Variants in ASNS observed in about 807,000 individuals in gnomAD.
ASNS encodes asparagine synthetase [glutamine-hydrolyzing].
ASNS carries 37 observed loss-of-function variants against 62.6 expected under a neutral mutation model. That is an observed-to-expected ratio of 0.59 (90% confidence interval 0.45 to 0.78). The LOEUF (loss-of-function observed/expected upper bound fraction) is 0.78. ASNS is among the 30% of genes least tolerant of loss of function. The probability of loss-of-function intolerance (pLI) is 0.00; values close to 1 mark genes in which losing one functional copy is unlikely to be tolerated. For synonymous variants in ASNS, 207 were observed against 237.9 expected, an observed-to-expected ratio of 0.87 and a Z score of 1.19; for missense variants, 520 against 682.4, an observed-to-expected ratio of 0.76 and a Z score of 2.65.
intron 10 of ASNS, among the ~76,000 whole-genome samples, chr7:97,854,150 T>A (rs1791316228): frequency 6.6e-6 from 1 of 152,240 alleles, no homozygotes; most frequent in Non-Finnish European, 1.5e-5. Context: ...TCAGGGTCAC[T>A]ACAGCACCAC....
the ASNS span, among the ~76,000 whole-genome samples, chr7:97,881,225 A>G: frequency 6.6e-6 from 1 of 152,128 alleles, no homozygotes; most frequent in African/African-American, 2.4e-5. Flanking sequence ...TACAGGCATG[A>G]GCCATTGCTC....
chr7:97,877,718 T>G, the ASNS span, among the ~76,000 whole-genome samples: 1 of 152,226 alleles, frequency 6.6e-6, no homozygotes, highest in Admixed American at 6.5e-5. Context: ...GGCTAAGGGT[T>G]GAATCTCTGA....
At chr7:97,912,637 C>A in the ASNS span, among the ~76,000 whole-genome samples, 1 of 128,252 alleles carries the variant, frequency 7.8e-6, no homozygotes, top group Non-Finnish European at 1.6e-5. Context: ...GGCTGGAGTG[C>A]GGTGGTGCCA....
At chr7:97,890,979 C>T in the ASNS span, among the ~76,000 whole-genome samples, 4 of 152,164 alleles carry the variant, frequency 2.6e-5, no homozygotes, top group Non-Finnish European at 5.9e-5. Flanking sequence ...AAGAAACCCA[C>T]CAAACTGCAA....
chr7:97,898,845 C>T, the ASNS span: 4 of 818,536 alleles, frequency 4.9e-6, 1 homozygote, highest in South Asian at 2.7e-5. Context: ...CAGTTTTTGT[C>T]CTGAACATCT....
intron 1 of ASNS, chr7:97,870,051 G>A (rs926813177): frequency 1.5e-5 from 4 of 269,358 alleles, no homozygotes; most frequent in South Asian, 1.6e-4. Flanking sequence ...CTATAAGCCC[G>A]GAAGCAAATA....
the ASNS span, among the ~76,000 whole-genome samples, chr7:97,904,315 CACAGAGAG>C: frequency 1.4e-5 from 2 of 146,002 alleles, no homozygotes; most frequent in South Asian, 2.2e-4. Flanking sequence ...CACACACACA[CACAGAGAG>C]AGAGAAATTC....
chr7:97,890,876 G>A, the ASNS span, among the ~76,000 whole-genome samples: 1 of 152,126 alleles, frequency 6.6e-6, no homozygotes, highest in Non-Finnish European at 1.5e-5. Flanking sequence ...GGAAGCAAAA[G>A]AACAATATCT....
the ASNS span, chr7:97,928,109 G>T: frequency 2.0e-6 from 3 of 1,530,164 alleles, no homozygotes; most frequent in Non-Finnish European, 2.6e-6. Flanking sequence ...CTGTCTGGGT[G>T]CCGGTCTCCT....
chr7:97,882,072 G>A, the ASNS span, among the ~76,000 whole-genome samples: 1 of 151,920 alleles, frequency 6.6e-6, no homozygotes, highest in African/African-American at 2.4e-5. Flanking sequence ...GGTTGGTCTC[G>A]AACTTCTGGC....
the ASNS span, among the ~76,000 whole-genome samples, chr7:97,889,317 G>A: frequency 6.6e-6 from 1 of 152,070 alleles, no homozygotes; most frequent in Non-Finnish European, 1.5e-5. Context: ...AGGAGTTCGA[G>A]AGCAGCCTGG....
the ASNS span, among the ~76,000 whole-genome samples, chr7:97,883,015 G>C: frequency 1.3e-5 from 2 of 152,184 alleles, no homozygotes; most frequent in African/African-American, 4.8e-5. Context: ...CTTTCAAATG[G>C]AAGCAAGCTG....
In ASNS at chr7:97,856,805, AT is replaced by A; in HGVS notation, c.914del (p.His305LeufsTer39). On this transcript the variant is annotated frameshift_variant, in exon 8 of 13. Transcript: ENST00000394308. LOFTEE classifies it high-confidence loss of function. ...DLLAARKVAD[H>X]IGSEHYEVLF... ...GGACTTCATAATGTTCACTTCCAAT[AT>A]GATCTGCCACCTTATTATATAAAGA... 2 of 1,606,152 alleles carry A rather than the reference AT, an allele frequency of 1.2e-6. No individual in the cohort carries two copies. The highest frequency in any genetic ancestry group is 1.7e-6 in the Non-Finnish European group (2 of 1,176,558).
the ASNS span, among the ~76,000 whole-genome samples, chr7:97,894,870 A>G: frequency 6.6e-6 from 1 of 152,352 alleles, no homozygotes; most frequent in East Asian, 1.9e-4. Context: ...AACTCATTGT[A>G]TAAGGCCAGC....
chr7:97,912,591 T>TTTTTTTTTTTTTC, the ASNS span, among the ~76,000 whole-genome samples: 12 of 79,378 alleles, frequency 1.5e-4, 3 homozygotes, highest in African/African-American at 5.2e-4. Flanking sequence ...TTTTTTTTTT[T>TTTTTTTTTTTTTC]TTCTGTTTTC....
intron 7 of ASNS, 48 bp downstream of exon 7, chr7:97,858,230 C>G: frequency 6.3e-7 from 1 of 1,593,126 alleles, no homozygotes; most frequent in Non-Finnish European, 8.5e-7. Flanking sequence ...ATTCTAATAA[C>G]AAGTCTACTC....
chr7:97,911,035 C>A, the ASNS span, among the ~76,000 whole-genome samples: 1 of 152,068 alleles, frequency 6.6e-6, no homozygotes, highest in African/African-American at 2.4e-5. Flanking sequence ...ATTTTGAGGA[C>A]AAGACATCTG....
rs1456658280 is a variant in ASNS, at chr7:97,859,209, C to T, written c.673+4G>A. ...TGGGGAATAGGTGGGTGGGTGTCTGCTACCTGGAAAGAGTTTCTCCACATT... is the reference window on the plus strand; with the variant it reads ...TGGGGAATAGGTGGGTGGGTGTCTGTTACCTGGAAAGAGTTTCTCCACATT... On this transcript the variant is annotated splice_donor_region_variant and intron_variant, in intron 5 of 12. Coordinates refer to ENST00000394308, the MANE Select transcript of ASNS (RefSeq NM_001673.5). The T allele has an allele frequency of 6.3e-7, 1 of 1,599,224 alleles. No homozygotes were observed. The highest frequency in any genetic ancestry group is 2.2e-5 in the East Asian group (1 of 44,560).
chr7:97,866,319 G>A (rs556008893), intron 3 of ASNS, among the ~76,000 whole-genome samples: 8 of 152,182 alleles, frequency 5.3e-5, no homozygotes, highest in Non-Finnish European at 1.0e-4. Context: ...GTCCCCAGGG[G>A]TGGATGACAA....
Sources: gnomAD v4.1 joint callset for allele counts (sites outside exome capture counted in the v4.1 genomes callset) on GRCh38, gnomAD v4.1.1 for gene constraint, MANE v1.5 for transcripts, NCBI Gene and HGNC (gene_info 2026-07-23, HGNC 2026-07-21) for gene names.